The following ZDHHC15 variants were observed in gnomAD, a reference collection of about 807,000 sequenced individuals.
ZDHHC15 encodes the protein zDHHC palmitoyltransferase 15.
Under a neutral mutation model 31.7 loss-of-function variants are expected in ZDHHC15, and 19 were observed. The observed-to-expected ratio is 0.60, with a 90% CI of 0.42 to 0.88. ZDHHC15 has a LOEUF of 0.88. Among genes scored for constraint, ZDHHC15 ranks in the 40% least tolerant of loss-of-function variants. The pLI is 0.00. For missense variants in ZDHHC15, 209 were observed against 251.2 expected (o/e 0.83, Z 1.14); for synonymous variants, 103 against 90.0 (o/e 1.14, Z -0.82).
chrX:75,436,358 T>C (rs1030418301), intron 4 of ZDHHC15, among the ~76,000 whole-genome samples: 7 of 111,949 alleles, frequency 6.3e-5, no homozygotes, highest in Admixed American at 9.5e-5. Context: ...TTTTTGTTAT[T>C]TCTTTTCTTC....
chrX:75,413,586 GC>G (rs1248640884), intron 10 of ZDHHC15, among the ~76,000 whole-genome samples: 1 of 109,365 alleles, frequency 9.1e-6, no homozygotes, highest in African/African-American at 3.3e-5. Flanking sequence ...AGTCACTTGA[GC>G]CCGGGAGGCA....
At chrX:75,491,107 C>T (rs184734257) in intron 2 of ZDHHC15, among the ~76,000 whole-genome samples, 162 of 111,059 alleles carry the variant, frequency 1.5e-3, no homozygotes, top group African/African-American at 5.2e-3. Context: ...ACCATTGGAC[C>T]CAGCCATCCC....
Position 75,411,261 on chromosome X carries a change from T to A in ZDHHC15, c.967+5826A>T, listed in dbSNP as rs766430673. 9.1e-5 allele frequency among the ~76,000 whole-genome samples: 10 copies of A among 110,220 alleles called. No individual in the cohort carries two copies. In the South Asian group the frequency reaches 3.9e-3, roughly 43 times the overall value. ...TCTGGCTCTGTCGCCTAGGCTGGAG[T>A]GCAGTGGTGTGATCTCAGCTCACTG... On this transcript the variant is annotated intron_variant, in intron 10 of 11. Transcript: ENST00000373367.
intron 1 of ZDHHC15, among the ~76,000 whole-genome samples, chrX:75,509,822 A>C (rs1183802714): frequency 8.9e-6 from 1 of 112,668 alleles, no homozygotes; most frequent in Non-Finnish European, 1.9e-5. Context: ...TTCTACAAAA[A>C]TAAATTGTTT....
intron 3 of ZDHHC15, among the ~76,000 whole-genome samples, chrX:75,476,185 G>A (rs1296790548): frequency 9.1e-6 from 1 of 110,061 alleles, no homozygotes; most frequent in Non-Finnish European, 1.9e-5. Flanking sequence ...ACTTCTTCCT[G>A]TTCAATTTCA....
intron 3 of ZDHHC15, among the ~76,000 whole-genome samples, chrX:75,475,350 C>T (rs2084586654): frequency 9.0e-6 from 1 of 111,071 alleles, no homozygotes; most frequent in Admixed American, 9.6e-5. Flanking sequence ...TTTTATAATC[C>T]TAGCTCTTAA....
chrX:75,483,595 G>A (rs890018160), intron 2 of ZDHHC15, among the ~76,000 whole-genome samples: 1 of 111,255 alleles, frequency 9.0e-6, no homozygotes, highest in African/African-American at 3.3e-5. Context: ...ATTAAAAAAA[G>A]AAAATAGTTT....
intron 2 of ZDHHC15, among the ~76,000 whole-genome samples, chrX:75,503,982 C>T (rs1348228440): frequency 9.0e-6 from 1 of 111,116 alleles, no homozygotes; most frequent in Admixed American, 9.6e-5. Context: ...TATGGCTGTC[C>T]TCTCTCTGTA....
intron 4 of ZDHHC15, among the ~76,000 whole-genome samples, chrX:75,442,164 T>A (rs951923738): frequency 1.8e-5 from 2 of 112,143 alleles, no homozygotes; most frequent in African/African-American, 6.5e-5. Flanking sequence ...AGCATTTGAA[T>A]CAGTAGACTG....
At chrX:75,468,841 T>G (rs2084455248) in intron 3 of ZDHHC15, among the ~76,000 whole-genome samples, 1 of 112,380 alleles carries the variant, frequency 8.9e-6, no homozygotes, top group African/African-American at 3.2e-5. Context: ...TCTGTGCTTT[T>G]TGGCTATTTG....
intron 3 of ZDHHC15, among the ~76,000 whole-genome samples, chrX:75,452,984 A>T (rs916625879): frequency 3.6e-5 from 4 of 111,939 alleles, no homozygotes; most frequent in African/African-American, 1.3e-4. Context: ...CTAGAGAAAC[A>T]AGAGCAAACA....
At chrX:75,386,170 A>G (rs1290537772) in intron 10 of ZDHHC15, among the ~76,000 whole-genome samples, 2 of 111,676 alleles carry the variant, frequency 1.8e-5, no homozygotes, top group African/African-American at 6.5e-5. Context: ...CCAAATAACA[A>G]AAGAGGAAAT....
chrX:75,472,153 G>A (rs1159605208), intron 3 of ZDHHC15, among the ~76,000 whole-genome samples: 1 of 111,670 alleles, frequency 9.0e-6, no homozygotes, highest in East Asian at 2.8e-4. Context: ...AATGCCCATG[G>A]TCTCCACTCC....
intron 1 of ZDHHC15, among the ~76,000 whole-genome samples, chrX:75,517,980 A>C (rs1338233291): frequency 9.1e-6 from 1 of 110,304 alleles, no homozygotes; most frequent in African/African-American, 3.3e-5. Context: ...CAAAAACAAA[A>C]AAAAACAAAA....
rs2084367272 is a variant in ZDHHC15, at chrX:75,464,223, GGA to G, written c.259-13303_259-13302del. Among the ~76,000 whole-genome samples, 4 of 110,811 alleles carry G rather than the reference GGA, an allele frequency of 3.6e-5. No individual in the cohort carries two copies. In the South Asian group the frequency reaches 1.2e-3, roughly 32 times the overall value. ...CACCGCATATTCTCACTCATAGGTGGGAATTGAACAATGAGTATACTTGGACA... is the reference window on the plus strand; with the variant it reads ...CACCGCATATTCTCACTCATAGGTGGATTGAACAATGAGTATACTTGGACA... On this transcript the variant is annotated intron_variant, in intron 3 of 11. Coordinates refer to ENST00000373367, the MANE Select transcript of ZDHHC15 (RefSeq NM_144969.3).
intron 3 of ZDHHC15, among the ~76,000 whole-genome samples, chrX:75,472,721 G>C (rs1430662925): frequency 8.9e-6 from 1 of 111,913 alleles, no homozygotes; most frequent in African/African-American, 3.2e-5. Flanking sequence ...ATCGCCCAAT[G>C]GGCCCATGAA....
intron 10 of ZDHHC15, among the ~76,000 whole-genome samples, chrX:75,404,081 T>C (rs2083385232): frequency 1.8e-5 from 2 of 111,531 alleles, no homozygotes; most frequent in Non-Finnish European, 1.9e-5. Context: ...TGCACATCTA[T>C]GAACATGTGG....
At chrX:75,468,197 C>T (rs2084442687) in intron 3 of ZDHHC15, among the ~76,000 whole-genome samples, 1 of 110,460 alleles carries the variant, frequency 9.1e-6, no homozygotes, top group Non-Finnish European at 1.9e-5. Context: ...AGGCATGCAC[C>T]ACCATGCCCG....
intron 3 of ZDHHC15, among the ~76,000 whole-genome samples, chrX:75,459,971 G>C (rs760567341): frequency 8.9e-6 from 1 of 111,903 alleles, no homozygotes; most frequent in Non-Finnish European, 1.9e-5. Flanking sequence ...TGCCTCCCAG[G>C]TTCAAGCGAT....
Sources: allele counts gnomAD v4.1 joint callset (sites outside exome capture counted in the v4.1 genomes callset), GRCh38; gene constraint gnomAD v4.1.1; transcripts MANE v1.5; gene names NCBI Gene and HGNC (gene_info 2026-07-23, HGNC 2026-07-21).